SYNPR: variants seen among roughly 807,000 people sequenced by gnomAD.
SYNPR encodes synaptoporin.
In SYNPR, 23 loss-of-function variants were observed where a neutral mutation model predicts 32.9. That is an observed-to-expected ratio of 0.70 (90% CI 0.50 to 0.99). SYNPR has a LOEUF of 0.99. Among genes scored for constraint, SYNPR ranks in the 50% least tolerant of loss-of-function variants. The probability of loss-of-function intolerance (pLI) is 0.00; values close to 1 mark genes in which losing one functional copy is unlikely to be tolerated. For missense variants in SYNPR, 318 were observed against 349.3 expected (o/e 0.91, Z 0.71); for synonymous variants, 146 against 135.9 (o/e 1.07, Z -0.52).
chr3:63,295,509 T>G (rs578076800), intron 2 of SYNPR, among the ~76,000 whole-genome samples: 26 of 152,246 alleles, frequency 1.7e-4, no homozygotes, highest in African/African-American at 6.3e-4. Flanking sequence ...TCCCAGAGAT[T>G]CAATTCCTTT....
chr3:63,245,022 T>C (rs1308601797), intron 1 of SYNPR, among the ~76,000 whole-genome samples: 2 of 152,094 alleles, frequency 1.3e-5, no homozygotes, highest in Non-Finnish European at 2.9e-5. Flanking sequence ...ATTTTAAACA[T>C]AAAAGAAAGA....
In SYNPR at chr3:63,348,634, T is replaced by C. The variant is rs1035943329; in HGVS notation, c.84+69892T>C. The stretch of plus-strand genomic sequence containing the variant: ...AATGGCCAGAAGAGCTTTCTCTAGG[T>C]TTTCTTCCTCTACTTTTATAGTTTC... On this transcript the variant is annotated intron_variant, in intron 2 of 5. Coordinates refer to ENST00000478300, the MANE Select transcript of SYNPR (RefSeq NM_001130003.2). Among the ~76,000 whole-genome samples the C allele has an allele frequency of 2.0e-5, 3 of 152,206 alleles. 1 individual carries two copies. Among genetic ancestry groups the C allele is most frequent in the Admixed American group, 2.0e-4 (3 of 15,284 alleles).
chr3:63,252,404 A>G (rs926770974), intron 1 of SYNPR: 13 of 152,186 alleles, frequency 8.5e-5, no homozygotes, highest in Non-Finnish European at 1.9e-4. Context: ...TATTTCTATA[A>G]TTTCAGAATA....
intron 4 of SYNPR, among the ~76,000 whole-genome samples, chr3:63,577,294 T>C (rs1259741310): frequency 1.3e-5 from 2 of 152,156 alleles, no homozygotes; most frequent in African/African-American, 2.4e-5. Flanking sequence ...TGAGAAATGA[T>C]TTATGTGCAA....
At chr3:63,330,965 G>C (rs2087223197) in intron 2 of SYNPR, among the ~76,000 whole-genome samples, 1 of 152,082 alleles carries the variant, frequency 6.6e-6, no homozygotes, top group East Asian at 1.9e-4. Context: ...AACAGTAAGA[G>C]AGACCTACTA....
the SYNPR span, among the ~76,000 whole-genome samples, chr3:63,206,415 C>G: frequency 1.3e-5 from 2 of 151,996 alleles, no homozygotes; most frequent in African/African-American, 4.8e-5. Flanking sequence ...GAGTTAGAGA[C>G]CAGCCTGTCC....
the SYNPR span, among the ~76,000 whole-genome samples, chr3:63,206,886 A>C: frequency 6.6e-6 from 1 of 152,216 alleles, no homozygotes; most frequent in East Asian, 1.9e-4. Context: ...AATTAGGGTT[A>C]TGAGAATCTG....
intron 2 of SYNPR, among the ~76,000 whole-genome samples, chr3:63,468,658 G>A (rs576870086): frequency 1.1e-4 from 16 of 152,048 alleles, no homozygotes; most frequent in Non-Finnish European, 2.1e-4. Flanking sequence ...AAGATTAACC[G>A]GGTGTGGTGG....
At position 63,612,503 on chromosome 3, in the gene SYNPR, G is replaced by C. The variant is rs1471619254; in HGVS notation, c.601-2721G>C. On this transcript the variant is annotated intron_variant, in intron 5 of 5. Transcript: ENST00000478300. ...TCTAGATCTTGTCTCCCCATTGTTT[G>C]CATGTTATGTACAGTCTCTTTCAAT... Among the ~76,000 whole-genome samples the C allele has an allele frequency of 2.6e-5, 4 of 152,120 alleles. No individual in the cohort carries two copies. In the East Asian group the frequency reaches 7.7e-4, roughly 29 times the overall value.
In SYNPR at chr3:63,463,429, C is replaced by T. The variant is rs115424858; in HGVS notation, c.85-17403C>T. Among the ~76,000 whole-genome samples the T allele has an allele frequency of 4.5e-3, 691 of 152,216 alleles. 7 individuals carry two copies. The highest frequency in any genetic ancestry group is 0.016 in the African/African-American group (659 of 41,524). ...TCAGAAACCTAAGTGGACAGTAGAT[C>T]TGGAAAGTTCCTTGGAAATAGTAGC... On this transcript the variant is annotated intron_variant, in intron 2 of 5. Coordinates refer to ENST00000478300, the MANE Select transcript of SYNPR (RefSeq NM_001130003.2).
chr3:63,321,178 A>T (rs1008876450), intron 2 of SYNPR, among the ~76,000 whole-genome samples: 12 of 152,106 alleles, frequency 7.9e-5, no homozygotes, highest in African/African-American at 2.9e-4. Context: ...TAGTTTTAGA[A>T]AATATCAATA....
chr3:63,314,862 T>G (rs1332662343), intron 2 of SYNPR, among the ~76,000 whole-genome samples: 1 of 152,034 alleles, frequency 6.6e-6, no homozygotes, highest in African/African-American at 2.4e-5. Flanking sequence ...TTTCAGGTCT[T>G]AGGTTTGAGT....
At chr3:63,211,499 T>C in the SYNPR span, among the ~76,000 whole-genome samples, 1 of 152,338 alleles carries the variant, frequency 6.6e-6, no homozygotes, top group East Asian at 1.9e-4. Context: ...TCACTATCTC[T>C]CTATAGGCTA....
chr3:63,406,256 C>T (rs1477620037), intron 2 of SYNPR, among the ~76,000 whole-genome samples: 1 of 150,664 alleles, frequency 6.6e-6, no homozygotes, highest in Admixed American at 6.6e-5. Flanking sequence ...GACCAACATC[C>T]CTGTATTTTC....
chr3:63,437,475 G>A (rs185894195), intron 2 of SYNPR, among the ~76,000 whole-genome samples: 8 of 152,212 alleles, frequency 5.3e-5, no homozygotes, highest in Admixed American at 5.2e-4. Flanking sequence ...CACACAGAGT[G>A]ATTGAGGGGA....
intron 2 of SYNPR, among the ~76,000 whole-genome samples, chr3:63,316,149 T>C (rs2087041129): frequency 6.6e-6 from 1 of 151,950 alleles, no homozygotes; most frequent in African/African-American, 2.4e-5. Context: ...GCTAGTATTT[T>C]GTTAAGGAGC....
intron 4 of SYNPR, among the ~76,000 whole-genome samples, chr3:63,608,558 A>T (rs1700155686): frequency 6.6e-6 from 1 of 152,236 alleles, no homozygotes; most frequent in African/African-American, 2.4e-5. Context: ...TTAACCAATA[A>T]CATATAGATA....
intron 3 of SYNPR, among the ~76,000 whole-genome samples, chr3:63,536,184 A>G (rs967542914): frequency 6.6e-6 from 1 of 152,134 alleles, no homozygotes; most frequent in Admixed American, 6.6e-5. Flanking sequence ...TGAATAAACC[A>G]TCTACAGAAT....
chr3:63,418,363 C>T (rs561455822), intron 2 of SYNPR, among the ~76,000 whole-genome samples: 21 of 152,294 alleles, frequency 1.4e-4, no homozygotes, highest in African/African-American at 4.8e-4. Flanking sequence ...CAACAAGTCT[C>T]TAGGAAGTTC....
Sources: gnomAD v4.1 joint callset for allele counts (sites outside exome capture counted in the v4.1 genomes callset) on GRCh38, gnomAD v4.1.1 for gene constraint, MANE v1.5 for transcripts, NCBI Gene and HGNC (gene_info 2026-07-23, HGNC 2026-07-21) for gene names.